ARHGEF4: variants seen among roughly 807,000 people sequenced by gnomAD.
The protein encoded by ARHGEF4 is APC-stimulated guanine nucleotide exchange factor 1.
Under a neutral mutation model 162.0 loss-of-function variants are expected in ARHGEF4, and 119 were observed. The observed-to-expected ratio is 0.73, with a 90% CI of 0.63 to 0.86. The LOEUF is 0.86. ARHGEF4 is among the 40% of genes least tolerant of loss of function. ARHGEF4 has a pLI of 0.00. For synonymous variants in ARHGEF4, 1,014 were observed against 979.9 expected, an observed-to-expected ratio of 1.03 and a Z score of -0.65; for missense variants, 2,488 against 2,456.0, an observed-to-expected ratio of 1.01 and a Z score of -0.28.
chr2:131,008,339 G>C (rs1688256060), intron 4 of ARHGEF4, among the ~76,000 whole-genome samples: 1 of 151,940 alleles, frequency 6.6e-6, no homozygotes, highest in Non-Finnish European at 1.5e-5. Context: ...CAACATATTT[G>C]TTCTTTGTAA....
At chr2:130,882,362 G>A (rs1364637178) in intron 1 of ARHGEF4, among the ~76,000 whole-genome samples, 1 of 152,056 alleles carries the variant, frequency 6.6e-6, no homozygotes, top group Admixed American at 6.5e-5. Flanking sequence ...TTTCCCCCAG[G>A]TCTAAAGGCT....
At chr2:131,031,303 GGA>G (rs1023703461) in intron 5 of ARHGEF4, among the ~76,000 whole-genome samples, 1 of 152,252 alleles carries the variant, frequency 6.6e-6, no homozygotes, top group Admixed American at 6.5e-5. Flanking sequence ...CCTCTGGCCT[GGA>G]GAGCGGCCCA....
In ARHGEF4 at chr2:130,844,314, C is replaced by T. The variant is rs372855780; in HGVS notation, c.39+7322C>T. Among the ~76,000 whole-genome samples, 17 of 152,322 alleles carry T rather than the reference C, an allele frequency of 1.1e-4. 1 individual carries two copies. Among genetic ancestry groups the T allele is most frequent in the African/African-American group, 2.6e-4 (11 of 41,576 alleles). ...CCCTGGCTCCGGGACCCTCCACAGA[C>T]GGGGATGGTGCTGCCTGTGAGGCCC... On this transcript the variant is annotated intron_variant, in intron 1 of 13. Transcript: ENST00000409359.
At chr2:131,030,121 G>A (rs1384389058) in intron 5 of ARHGEF4, among the ~76,000 whole-genome samples, 1 of 152,246 alleles carries the variant, frequency 6.6e-6, no homozygotes, top group Non-Finnish European at 1.5e-5. Context: ...ACTCCGGAGA[G>A]GTGGGGGTTC....
chr2:130,973,569 A>T (rs192212205), intron 4 of ARHGEF4, among the ~76,000 whole-genome samples: 3 of 152,330 alleles, frequency 2.0e-5, no homozygotes, highest in Admixed American at 6.5e-5. Context: ...TTACTCTTTG[A>T]TACCAGGCAG....
At chr2:130,940,589 C>A (rs1237101152) in intron 3 of ARHGEF4, among the ~76,000 whole-genome samples, 1 of 151,376 alleles carries the variant, frequency 6.6e-6, no homozygotes, top group East Asian at 2.0e-4. Flanking sequence ...GCTTGTAATC[C>A]CAGCACTTTG....
chr2:131,026,811 G>C (rs1331517363), intron 4 of ARHGEF4, among the ~76,000 whole-genome samples: 1 of 152,158 alleles, frequency 6.6e-6, no homozygotes, highest in Non-Finnish European at 1.5e-5. Context: ...GAAACTATTT[G>C]GTGTGCCTAG....
At chr2:130,838,504 T>G (rs756952720) in intron 1 of ARHGEF4, among the ~76,000 whole-genome samples, 2 of 151,622 alleles carry the variant, frequency 1.3e-5, no homozygotes, top group Non-Finnish European at 1.5e-5. Context: ...TACTTGGGAG[T>G]CTGAGGCAGG....
At chr2:130,886,251 T>C (rs13003829) in intron 1 of ARHGEF4, among the ~76,000 whole-genome samples, 23,353 of 151,914 alleles carry the variant, frequency 0.15, 2,136 homozygotes, top group Admixed American at 0.23. Flanking sequence ...TTTCTGTATC[T>C]GATGAGATTA....
intron 1 of ARHGEF4, among the ~76,000 whole-genome samples, chr2:130,912,205 C>G (rs953365139): frequency 1.3e-5 from 2 of 152,234 alleles, no homozygotes; most frequent in African/African-American, 4.8e-5. Flanking sequence ...CTCACTGGTC[C>G]TCTCCTTGCC....
intron 1 of ARHGEF4, among the ~76,000 whole-genome samples, chr2:130,864,503 T>C (rs1682125052): frequency 6.6e-6 from 1 of 152,136 alleles, no homozygotes; most frequent in African/African-American, 2.4e-5. Flanking sequence ...GGCAGGCGAA[T>C]CACTAGAGGT....
At chr2:131,043,769 G>A (rs1691004538) in intron 11 of ARHGEF4, 186 bp downstream of exon 11, 10 of 727,268 alleles carry the variant, frequency 1.4e-5, no homozygotes, top group South Asian at 8.9e-5. Context: ...AGCAGCAGGC[G>A]GCTTTCACAG....
intron 4 of ARHGEF4, among the ~76,000 whole-genome samples, chr2:131,023,598 T>G (rs1689286643): frequency 6.6e-6 from 1 of 152,134 alleles, no homozygotes; most frequent in Non-Finnish European, 1.5e-5. Context: ...TATAAAATAG[T>G]GACAATACCA....
intron 1 of ARHGEF4, among the ~76,000 whole-genome samples, chr2:130,840,648 C>T (rs142535750): frequency 0.011 from 1,668 of 152,276 alleles, 10 homozygotes; most frequent in Non-Finnish European, 0.019. Flanking sequence ...GGGAAATTGC[C>T]ATAGGACAGG....
chr2:131,002,098 A>G lies in ARHGEF4; in HGVS notation c.3986-25847A>G, dbSNP rs1687806773. Reference sequence around the variant, plus strand: ...TTGAACAAATACTTACTGAGAATCTACTGGCTGCAGGGCTCTGTTCTGGAT... The same window carrying G: ...TTGAACAAATACTTACTGAGAATCTGCTGGCTGCAGGGCTCTGTTCTGGAT... On this transcript the variant is annotated intron_variant, in intron 4 of 13. Coordinates refer to ENST00000409359, the MANE Select transcript of ARHGEF4 (RefSeq NM_001367493.1). 5.9e-5 allele frequency among the ~76,000 whole-genome samples: 9 copies of G among 152,330 alleles called. No homozygotes were observed. In the South Asian group the frequency reaches 1.7e-3, roughly 28 times the overall value.
chr2:131,002,078 C>T lies in ARHGEF4; in HGVS notation c.3986-25867C>T, dbSNP rs1482155391. On this transcript the variant is annotated intron_variant, in intron 4 of 13. Transcript: ENST00000409359. ...GTATGTTTAGTTTACGTTTATTGAA[C>T]AAATACTTACTGAGAATCTACTGGC... is the stretch of plus-strand genomic sequence containing the variant. Among the ~76,000 whole-genome samples the T allele has an allele frequency of 3.3e-5, 5 of 152,142 alleles. No individual in the cohort carries two copies. The East Asian group carries it at 9.6e-4, about 29-fold the overall frequency.
Position 130,915,052 on chromosome 2 carries a change from AT to A in ARHGEF4, c.1107del (p.Asn369LysfsTer61). 6.4e-7 allele frequency: 1 copy of A among 1,550,684 alleles called. No homozygotes were observed. The highest frequency in any genetic ancestry group is 8.7e-7 in the Non-Finnish European group (1 of 1,147,016). ...SGTHVKEGAK[N>X]ERDPRIQNIP... is the part of the protein sequence containing the mutation. ...ACCCATGTGAAGGAAGGGGCCAAAA[AT>A]GAACGAGATCCAAGAATACAAAACA... On this transcript the variant is annotated frameshift_variant, in exon 2 of 14. Coordinates refer to ENST00000409359, the MANE Select transcript of ARHGEF4 (RefSeq NM_001367493.1). LOFTEE classifies it high-confidence loss of function.
chr2:131,005,283 C>G (rs566893787), intron 4 of ARHGEF4, among the ~76,000 whole-genome samples: 6 of 152,124 alleles, frequency 3.9e-5, no homozygotes, highest in African/African-American at 2.4e-5. Flanking sequence ...GAAGAGGGCT[C>G]GGCCTCATTC....
chr2:130,988,885 TATATATATATATATATAGAGAGAGAG>T (rs199687570), intron 4 of ARHGEF4, among the ~76,000 whole-genome samples: 1,704 of 97,774 alleles, frequency 0.017, 30 homozygotes, highest in East Asian at 0.12. Context: ...TATATATATA[TATATATATATATATATAGAGAGAGAG>T]AGAGAGAGAG....
Sources: allele counts gnomAD v4.1 joint callset (sites outside exome capture counted in the v4.1 genomes callset), GRCh38; gene constraint gnomAD v4.1.1; transcripts MANE v1.5; gene names NCBI Gene and HGNC (gene_info 2026-07-23, HGNC 2026-07-21).